The following ACTR3C variants were observed in gnomAD, a reference collection of about 807,000 sequenced individuals.
ACTR3C encodes the protein actin-related protein 3C.
ACTR3C carries 18 observed loss-of-function variants against 26.3 expected under a neutral mutation model. The ratio of observed to expected loss-of-function variants is 0.68; its 90% confidence interval spans 0.47 to 1.01. The LOEUF (loss-of-function observed/expected upper bound fraction) is 1.01. ACTR3C is among the 50% of genes least tolerant of loss of function. ACTR3C has a pLI of 0.00. For synonymous variants in ACTR3C, 55 were observed against 94.5 expected (o/e 0.58, Z 2.42); for missense variants, 184 against 250.7 (o/e 0.73, Z 1.80).
At chr7:150,167,536 A>G in the ACTR3C span, among the ~76,000 whole-genome samples, 1 of 151,030 alleles carries the variant, frequency 6.6e-6, no homozygotes, top group African/African-American at 2.5e-5. Flanking sequence ...TCACAGAAGA[A>G]AATATCTTTT....
the ACTR3C span, among the ~76,000 whole-genome samples, chr7:150,201,347 A>T: frequency 2.0e-5 from 3 of 152,210 alleles, no homozygotes; most frequent in African/African-American, 7.2e-5. Flanking sequence ...AAGAAACTCC[A>T]ATGTGGAATG....
chr7:150,047,660 A>G, the ACTR3C span: 63 of 1,022,280 alleles, frequency 6.2e-5, no homozygotes, highest in African/African-American at 8.4e-5. Context: ...GGGGCCGGCC[A>G]TCCGCGCCGC....
the ACTR3C span, among the ~76,000 whole-genome samples, chr7:150,026,354 T>C: frequency 6.6e-6 from 1 of 152,104 alleles, no homozygotes; most frequent in Non-Finnish European, 1.5e-5. Context: ...TACTATATGT[T>C]GTCTTGATTG....
the ACTR3C span, among the ~76,000 whole-genome samples, chr7:149,970,818 C>T: frequency 6.6e-6 from 1 of 152,198 alleles, no homozygotes; most frequent in Non-Finnish European, 1.5e-5. Flanking sequence ...AAGATCCCTA[C>T]ACCATGAATA....
the ACTR3C span, among the ~76,000 whole-genome samples, chr7:149,915,456 C>T: frequency 6.6e-6 from 1 of 152,050 alleles, no homozygotes; most frequent in Non-Finnish European, 1.5e-5. Flanking sequence ...TAAATAAACT[C>T]TCTATGTACA....
At chr7:150,072,084 T>A in the ACTR3C span, among the ~76,000 whole-genome samples, 1 of 143,780 alleles carries the variant, frequency 7.0e-6, no homozygotes, top group African/African-American at 2.5e-5. Flanking sequence ...TGTGGGCAAG[T>A]CCCTGCGTGT....
At chr7:150,233,612 G>A in the ACTR3C span, among the ~76,000 whole-genome samples, 1 of 152,098 alleles carries the variant, frequency 6.6e-6, no homozygotes, top group Admixed American at 6.5e-5. Flanking sequence ...TTCTGTTGAT[G>A]AACCTATTGA....
chr7:149,987,463 A>G, the ACTR3C span, among the ~76,000 whole-genome samples: 1 of 147,868 alleles, frequency 6.8e-6, no homozygotes, highest in African/African-American at 2.5e-5. Context: ...GCTACTCAGG[A>G]GGCTGAGACA....
chr7:150,041,723 C>G, the ACTR3C span, among the ~76,000 whole-genome samples: 11 of 141,092 alleles, frequency 7.8e-5, no homozygotes, highest in Non-Finnish European at 1.5e-4. Flanking sequence ...GGTGCCTCCC[C>G]CTCCTGCGAT....
chr7:150,037,803 C>T, the ACTR3C span, among the ~76,000 whole-genome samples: 297 of 28,294 alleles, frequency 0.01, 6 homozygotes, highest in South Asian at 0.031. Flanking sequence ...CCAGAGCCAG[C>T]GGGGGAAGAG....
the ACTR3C span, among the ~76,000 whole-genome samples, chr7:150,199,861 A>T: frequency 1.3e-5 from 2 of 151,914 alleles, no homozygotes; most frequent in African/African-American, 4.8e-5. Flanking sequence ...TGTATACCTT[A>T]AATATACACA....
the ACTR3C span, among the ~76,000 whole-genome samples, chr7:150,210,774 C>G: frequency 1.3e-5 from 2 of 149,128 alleles, no homozygotes; most frequent in Non-Finnish European, 1.5e-5. Flanking sequence ...GAGCATGAGG[C>G]ACCTTCTGGG....
the ACTR3C span, among the ~76,000 whole-genome samples, chr7:149,995,268 T>G: frequency 6.6e-6 from 1 of 152,258 alleles, no homozygotes; most frequent in African/African-American, 2.4e-5. Flanking sequence ...TCACCCCTTT[T>G]CTGATAAGAT....
At chr7:150,105,915 T>C in the ACTR3C span, among the ~76,000 whole-genome samples, 2 of 152,098 alleles carry the variant, frequency 1.3e-5, no homozygotes, top group African/African-American at 2.4e-5. Context: ...ACTTAATTTA[T>C]ACCTTAAGTC....
intron 3 of ACTR3C, among the ~76,000 whole-genome samples, chr7:150,290,544 A>G (rs28590257): frequency 0.18 from 27,444 of 151,292 alleles, 3,404 homozygotes; most frequent in African/African-American, 0.34. Context: ...CAGTCCCCAA[A>G]TGAGACAGAA....
At chr7:150,045,274 T>C in the ACTR3C span, among the ~76,000 whole-genome samples, 2 of 152,278 alleles carry the variant, frequency 1.3e-5, no homozygotes, top group African/African-American at 2.4e-5. Context: ...TGGTTTGATA[T>C]GTTCATCTAT....
the ACTR3C span, among the ~76,000 whole-genome samples, chr7:150,162,836 G>A: frequency 1.3e-5 from 2 of 152,074 alleles, no homozygotes; most frequent in Non-Finnish European, 2.9e-5. Context: ...ACGGTACCAC[G>A]AGTAGAGCAA....
chr7:150,223,473 G>GGTT, the ACTR3C span, among the ~76,000 whole-genome samples: 2 of 143,304 alleles, frequency 1.4e-5, no homozygotes, highest in South Asian at 2.1e-4. Context: ...GTAGATGCAG[G>GGTT]GTTTTTTTGT....
chr7:150,201,106 C>T, the ACTR3C span, among the ~76,000 whole-genome samples: 9 of 152,302 alleles, frequency 5.9e-5, no homozygotes, highest in South Asian at 2.1e-4. Flanking sequence ...TTTTTGTCTG[C>T]AACCCTAGTT....
Sources: allele counts gnomAD v4.1 joint callset (sites outside exome capture counted in the v4.1 genomes callset), GRCh38; gene constraint gnomAD v4.1.1; transcripts MANE v1.5; gene names NCBI Gene and HGNC (gene_info 2026-07-23, HGNC 2026-07-21).